Variants in TEX11 observed in about 807,000 individuals in gnomAD.
TEX11 encodes testis expressed 11, also known as testis-expressed protein 11.
A neutral mutation model predicts 84.4 loss-of-function variants in TEX11; 7 were observed. The observed-to-expected ratio is 0.08, with a 90% CI of 0.05 to 0.16. TEX11 has a LOEUF of 0.16. TEX11 is among the 10% of genes least tolerant of loss of function. TEX11 has a pLI of 1.00. For missense variants in TEX11, 551 were observed against 660.5 expected, an observed-to-expected ratio of 0.83 and a Z score of 1.82; for synonymous variants, 264 against 222.8, an observed-to-expected ratio of 1.18 and a Z score of -1.64.
At chrX:70,817,904 A>C (rs2147819244) in intron 8 of TEX11, among the ~76,000 whole-genome samples, 1 of 112,059 alleles carries the variant, frequency 8.9e-6, no homozygotes, top group South Asian at 3.7e-4. Context: ...CACGTAAAAA[A>C]CACATAGAAG....
intron 9 of TEX11, among the ~76,000 whole-genome samples, chrX:70,751,196 C>T (rs189070026): frequency 1.2e-4 from 13 of 105,595 alleles, no homozygotes; most frequent in East Asian, 9.2e-4. Context: ...ATGTTTATTG[C>T]GGCACTATTC....
chrX:70,618,668 C>T (rs1460462110), intron 20 of TEX11, among the ~76,000 whole-genome samples: 1 of 111,756 alleles, frequency 8.9e-6, no homozygotes, highest in Non-Finnish European at 1.9e-5. Flanking sequence ...TAGACACTAA[C>T]TCTGGATTGG....
chrX:70,639,189 C>A (rs2089614222), intron 17 of TEX11, among the ~76,000 whole-genome samples: 1 of 111,878 alleles, frequency 8.9e-6, no homozygotes, highest in East Asian at 2.9e-4. Flanking sequence ...GTCACTCCCA[C>A]CTGAATACTG....
At chrX:70,830,008 C>G (rs1233420132) in intron 8 of TEX11, among the ~76,000 whole-genome samples, 1 of 110,356 alleles carries the variant, frequency 9.1e-6, no homozygotes, top group Non-Finnish European at 1.9e-5. Context: ...TAAGTCTTTA[C>G]TTATCAGTAA....
At chrX:70,612,378 A>G (rs2089271339) in intron 20 of TEX11, among the ~76,000 whole-genome samples, 1 of 111,749 alleles carries the variant, frequency 8.9e-6, no homozygotes, top group Non-Finnish European at 1.9e-5. Context: ...TAAGACAACT[A>G]TGATAATTGA....
intron 8 of TEX11, among the ~76,000 whole-genome samples, chrX:70,810,157 G>T (rs1472255142): frequency 8.9e-6 from 1 of 111,869 alleles, no homozygotes; most frequent in Admixed American, 9.5e-5. Context: ...ATGCTGGAGA[G>T]GATGTGGAGA....
chrX:70,738,386 A>T (rs1302141322), intron 11 of TEX11, among the ~76,000 whole-genome samples: 1 of 112,615 alleles, frequency 8.9e-6, no homozygotes, highest in African/African-American at 3.2e-5. Context: ...ATGCAAATCA[A>T]AACCACAATG....
chrX:70,573,936 T>A (rs922477830), intron 25 of TEX11, among the ~76,000 whole-genome samples: 12 of 111,520 alleles, frequency 1.1e-4, no homozygotes, highest in Admixed American at 1.9e-4. Flanking sequence ...TCAGGAGGTT[T>A]GCCTTGTTTG....
chrX:70,770,330 T>C (rs2090964659), intron 9 of TEX11, among the ~76,000 whole-genome samples: 1 of 111,911 alleles, frequency 8.9e-6, no homozygotes, highest in African/African-American at 3.2e-5. Flanking sequence ...TACCTAAATA[T>C]AGTAAAGGCA....
intron 8 of TEX11, among the ~76,000 whole-genome samples, chrX:70,826,912 A>T (rs1426142931): frequency 1.8e-5 from 2 of 111,068 alleles, no homozygotes; most frequent in Non-Finnish European, 3.8e-5. Context: ...TTGCCACGTG[A>T]CCTAGGGAGA....
chrX:70,764,715 A>G (rs757075214), intron 9 of TEX11, among the ~76,000 whole-genome samples: 4 of 111,542 alleles, frequency 3.6e-5, no homozygotes, highest in Non-Finnish European at 7.5e-5. Flanking sequence ...CAATTAATTG[A>G]AAAATTTAAA....
chrX:70,529,134 T>C lies in TEX11; in HGVS notation c.2739A>G (p.Pro913=), dbSNP rs1603025610. Residue 913 remains proline, a synonymous_variant, in exon 30 of 30, where the codon CCA becomes CCG. Transcript: ENST00000374333. The part of the protein sequence containing the change: ...LVEALSNNKG[P]VFHEHGYWSK... Reference sequence around the variant, plus strand: ...TCCAGTAGCCATGTTCATGAAAAACTGGGCCCTTGTTGTTACTCAATGCTT... The same window carrying C: ...TCCAGTAGCCATGTTCATGAAAAACCGGGCCCTTGTTGTTACTCAATGCTT... 1 of 1,210,974 alleles carries C rather than the reference T, an allele frequency of 8.3e-7. No individual in the cohort carries two copies. Among genetic ancestry groups the C allele is most frequent in the East Asian group, 3.0e-5 (1 of 33,825 alleles).
At chrX:70,554,881 G>T in intron 25 of TEX11, 81 bp from the exon 26 acceptor site, 1 of 915,350 alleles carries the variant, frequency 1.1e-6, no homozygotes, top group Non-Finnish European at 1.5e-6. Context: ...TAACTGGAGA[G>T]GTTTTCCTTC....
chrX:70,733,242 G>A (rs1209645669), intron 11 of TEX11, among the ~76,000 whole-genome samples: 31 of 111,609 alleles, frequency 2.8e-4, no homozygotes, highest in African/African-American at 1.0e-3. Flanking sequence ...ATAGGCATGG[G>A]CAAGGACTTC....
At chrX:70,604,842 A>G (rs1280969132) in intron 24 of TEX11, among the ~76,000 whole-genome samples, 1 of 111,727 alleles carries the variant, frequency 9.0e-6, no homozygotes, top group Non-Finnish European at 1.9e-5. Flanking sequence ...AATCTGGTGT[A>G]TGGGAGACGG....
chrX:70,884,073 A>C (rs1465459609), intron 2 of TEX11, among the ~76,000 whole-genome samples: 1 of 112,405 alleles, frequency 8.9e-6, no homozygotes, highest in Non-Finnish European at 1.9e-5. Context: ...AATGACAATA[A>C]AATTAACATT....
chrX:70,581,534 G>A (rs965956074), intron 25 of TEX11, among the ~76,000 whole-genome samples: 7 of 110,304 alleles, frequency 6.3e-5, no homozygotes, highest in East Asian at 5.7e-4. Flanking sequence ...CCCTGACCTC[G>A]TGATCCACCC....
intron 25 of TEX11, among the ~76,000 whole-genome samples, chrX:70,573,651 T>G (rs931835136): frequency 1.3e-4 from 15 of 111,521 alleles, no homozygotes; most frequent in African/African-American, 4.2e-4. Flanking sequence ...AAGCAAAGAC[T>G]GCCTGCAAAG....
intron 11 of TEX11, among the ~76,000 whole-genome samples, chrX:70,729,275 G>A (rs1192865714): frequency 1.2e-4 from 14 of 112,489 alleles, no homozygotes; most frequent in South Asian, 3.7e-4. Context: ...CCAAAGGAGC[G>A]CAGCTCCTTA....
Sources: gnomAD v4.1 joint callset for allele counts (sites outside exome capture counted in the v4.1 genomes callset) on GRCh38, gnomAD v4.1.1 for gene constraint, MANE v1.5 for transcripts, NCBI Gene and HGNC (gene_info 2026-07-23, HGNC 2026-07-21) for gene names.